ATXN2: variants seen among roughly 807,000 people sequenced by gnomAD.
The protein encoded by ATXN2 is ataxin 2, also known as ataxin-2.
Under a neutral mutation model 138.6 loss-of-function variants are expected in ATXN2, and 37 were observed. The observed-to-expected ratio is 0.27, with a 90% CI of 0.21 to 0.35. ATXN2 has a LOEUF of 0.35. Among genes scored for constraint, ATXN2 ranks in the 10% least tolerant of loss-of-function variants. ATXN2 has a pLI of 1.00. For synonymous variants in ATXN2, 549 were observed against 543.7 expected (o/e 1.01, Z -0.13); for missense variants, 1,216 against 1,480.3 (o/e 0.82, Z 2.93).
At chr12:111,455,754 G>A (rs1875038749) in intron 23 of ATXN2, 1 of 529,992 alleles carries the variant, frequency 1.9e-6, no homozygotes, top group South Asian at 2.0e-5. Context: ...GACACAGAAA[G>A]GAAAGAAGGA....
intron 8 of ATXN2, among the ~76,000 whole-genome samples, chr12:111,519,217 G>A (rs1880023535): frequency 2.0e-5 from 3 of 152,064 alleles, no homozygotes; most frequent in Admixed American, 2.0e-4. Flanking sequence ...ATGCCCCAGG[G>A]TTTATTCACC....
chr12:111,519,136 G>A (rs1880018608), intron 8 of ATXN2, among the ~76,000 whole-genome samples: 1 of 152,040 alleles, frequency 6.6e-6, no homozygotes, highest in African/African-American at 2.4e-5. Flanking sequence ...CCTTAACTAG[G>A]TGGTTACCAA....
chr12:111,490,028 C>T (rs1017316192), intron 14 of ATXN2, among the ~76,000 whole-genome samples: 1 of 150,354 alleles, frequency 6.7e-6, no homozygotes, highest in Non-Finnish European at 1.5e-5. Context: ...CATGGTGAAA[C>T]TCCGTCTCTA....
At chr12:111,487,815 T>C (rs911252191) in intron 15 of ATXN2, among the ~76,000 whole-genome samples, 1 of 152,034 alleles carries the variant, frequency 6.6e-6, no homozygotes, top group Non-Finnish European at 1.5e-5. Flanking sequence ...ATGACATACC[T>C]GGAAAAAGTC....
chr12:111,454,000 A>G lies in ATXN2; in HGVS notation c.3271-155T>C, dbSNP rs1297999765. The G allele has an allele frequency of 1.4e-6, 1 of 726,160 alleles. No homozygotes were observed. The highest frequency in any genetic ancestry group is 2.0e-5 in the South Asian group (1 of 50,400). 45.0% of individuals were successfully genotyped at this position (726,160 alleles called of 1,614,324 possible). On this transcript the variant is annotated intron_variant, in intron 23 of 24. Transcript: ENST00000673436. The surrounding 1 kb of genome is among the most constrained non-coding windows in gnomAD (Gnocchi z 5.4). ...CTCTGGGGACAATCTCTAGTAGATT[A>G]TCTATTGACCTGAAGACGCGCTTCA... is the stretch of plus-strand genomic sequence containing the variant.
chr12:111,542,994 A>C (rs1352935450), intron 5 of ATXN2, among the ~76,000 whole-genome samples: 1 of 152,202 alleles, frequency 6.6e-6, no homozygotes, highest in Admixed American at 6.5e-5. Flanking sequence ...TAATAAATGG[A>C]AGATGACCAT....
At chr12:111,521,062 T>A in intron 6 of ATXN2, 89 bp from the exon 7 acceptor site, 1 of 820,068 alleles carries the variant, frequency 1.2e-6, no homozygotes, top group Non-Finnish European at 1.9e-6. Context: ...TAACAATATC[T>A]AACAAACTAC....
chr12:111,455,082 A>AT (rs1233387262), intron 23 of ATXN2: 1 of 703,028 alleles, frequency 1.4e-6, no homozygotes, highest in African/African-American at 1.7e-5. Context: ...ACTGAGTCGC[A>AT]TCTCTAGCCC....
At position 111,598,547 on chromosome 12, in the gene ATXN2, C is replaced by T. The variant is rs1398592847; in HGVS notation, c.251+237G>A. On this transcript the variant is annotated intron_variant, in intron 1 of 24. Transcript: ENST00000673436. The surrounding 1 kb of genome is among the most constrained non-coding windows in gnomAD (Gnocchi z 4.5). ...CCGCCCGCTCCCTCCATCTTGACCG[C>T]CGGGGGAGGGGGCGGGGATGCTGCG... 6 of 982,846 alleles carry T rather than the reference C, an allele frequency of 6.1e-6. No homozygotes were observed. The highest frequency in any genetic ancestry group is 5.3e-5 in the African/African-American group (3 of 56,530). 60.9% of individuals were successfully genotyped at this position (982,846 alleles called of 1,614,324 possible).
At chr12:111,494,530 A>G (rs537389852) in intron 14 of ATXN2, among the ~76,000 whole-genome samples, 2 of 151,794 alleles carry the variant, frequency 1.3e-5, no homozygotes, top group South Asian at 4.2e-4. Flanking sequence ...GGTTCAAGCA[A>G]TTCTCCTGCC....
intron 14 of ATXN2, among the ~76,000 whole-genome samples, chr12:111,496,462 G>A (rs1214531736): frequency 6.6e-6 from 1 of 152,086 alleles, no homozygotes; most frequent in Non-Finnish European, 1.5e-5. Flanking sequence ...CTTGAACTGG[G>A]GAGGCAGAGG....
intron 5 of ATXN2, among the ~76,000 whole-genome samples, chr12:111,546,097 ATC>A (rs1421251831): frequency 6.6e-6 from 1 of 152,224 alleles, no homozygotes; most frequent in Admixed American, 6.5e-5. Context: ...GTGACAAAGA[ATC>A]TGTTAAGCAA....
At chr12:111,483,452 CTTTTTTTTTTTTT>C (rs927752030) in intron 18 of ATXN2, among the ~76,000 whole-genome samples, 1 of 107,212 alleles carries the variant, frequency 9.3e-6, no homozygotes, top group African/African-American at 3.6e-5. Context: ...TAAAAGAACT[CTTTTTTTTTTTTT>C]TTTTTTTTGG....
intron 16 of ATXN2, 28 bp from the exon 17 acceptor site, chr12:111,485,893 T>C: frequency 6.2e-7 from 1 of 1,608,308 alleles, no homozygotes; most frequent in Non-Finnish European, 8.5e-7. Context: ...AATTCAATTA[T>C]CTCAAGGTAA....
At chr12:111,510,143 T>C (rs927558622) in intron 12 of ATXN2, 145 bp from the exon 13 acceptor site, 4 of 740,480 alleles carry the variant, frequency 5.4e-6, no homozygotes, top group African/African-American at 5.3e-5. Context: ...AGATGTCATA[T>C]GAAACACCAA....
intron 1 of ATXN2, among the ~76,000 whole-genome samples, chr12:111,567,384 C>T (rs1883069443): frequency 6.6e-6 from 1 of 151,810 alleles, no homozygotes; most frequent in Admixed American, 6.6e-5. Flanking sequence ...CCTGTAGTCC[C>T]AGATACTCAG....
intron 1 of ATXN2, among the ~76,000 whole-genome samples, chr12:111,564,164 A>G (rs1160126640): frequency 6.6e-6 from 1 of 152,210 alleles, no homozygotes; most frequent in Non-Finnish European, 1.5e-5. Flanking sequence ...ATCCATTCAC[A>G]CTTGGTCAGG....
intron 5 of ATXN2, among the ~76,000 whole-genome samples, chr12:111,543,624 T>C (rs890908998): frequency 2.0e-5 from 3 of 152,048 alleles, no homozygotes; most frequent in Admixed American, 2.0e-4. Flanking sequence ...ATCTAGACAA[T>C]TATTTGCATC....
In ATXN2 at chr12:111,598,633, G is replaced by A; in HGVS notation, c.251+151C>T. On this transcript the variant is annotated intron_variant, in intron 1 of 24. Coordinates refer to ENST00000673436, the MANE Select transcript of ATXN2 (RefSeq NM_001372574.1). The surrounding 1 kb of genome is among the most constrained non-coding windows in gnomAD (Gnocchi z 4.5). ...CGGCTGCGCCCACCGGCCGAGCCTCGGGGCTCAGGCCCGAGCGAGTCTCCC... is the reference window on the plus strand; with the variant it reads ...CGGCTGCGCCCACCGGCCGAGCCTCAGGGCTCAGGCCCGAGCGAGTCTCCC... The A allele has an allele frequency of 5.4e-6, 5 of 934,278 alleles. No individual in the cohort carries two copies. Among genetic ancestry groups the A allele is most frequent in the Non-Finnish European group, 6.4e-6 (5 of 781,348 alleles). The allele number at this position is 934,278 out of a possible 1,614,324, so 57.9% of individuals were successfully genotyped here.
Sources: allele counts gnomAD v4.1 joint callset (sites outside exome capture counted in the v4.1 genomes callset), GRCh38; gene constraint gnomAD v4.1.1; non-coding constraint Gnocchi (gnomAD v3.1); transcripts MANE v1.5; gene names NCBI Gene and HGNC (gene_info 2026-07-23, HGNC 2026-07-21).